The following CHRM5 variants were observed in gnomAD, a reference collection of about 807,000 sequenced individuals.
CHRM5 encodes muscarinic acetylcholine receptor M5.
Under a neutral mutation model 39.0 loss-of-function variants are expected in CHRM5, and 18 were observed. The ratio of observed to expected loss-of-function variants is 0.46; its 90% confidence interval spans 0.32 to 0.68. CHRM5 has a LOEUF of 0.68. CHRM5 is among the 30% of genes least tolerant of loss of function. The pLI is 0.04. For missense variants in CHRM5, 515 were observed against 651.1 expected, an observed-to-expected ratio of 0.79 and a Z score of 2.28; for synonymous variants, 241 against 246.3, an observed-to-expected ratio of 0.98 and a Z score of 0.20.
At chr15:34,008,557 C>T (rs933597226) in intron 1 of CHRM5, among the ~76,000 whole-genome samples, 33 of 144,918 alleles carry the variant, frequency 2.3e-4, no homozygotes, top group Admixed American at 1.6e-3. Flanking sequence ...GGCACAATCT[C>T]GGCTCGCTGC....
At chr15:33,991,925 G>A (rs1298727863) in intron 1 of CHRM5, 1 of 153,258 alleles carries the variant, frequency 6.5e-6, no homozygotes, top group Admixed American at 6.5e-5. Context: ...ATCTGCTAAA[G>A]GAAATGCACA....
Position 34,017,224 on chromosome 15 carries a change from A to G in CHRM5, c.-407-29316A>G, listed in dbSNP as rs537222744. Reference sequence around the variant, plus strand: ...CCACCCACTCTGTTCACCTATTAACAATTCATCCAAAAGCCTAGAACTGAG... The same window carrying G: ...CCACCCACTCTGTTCACCTATTAACGATTCATCCAAAAGCCTAGAACTGAG... On this transcript the variant is annotated intron_variant, in intron 1 of 2. Transcript: ENST00000383263. Among the ~76,000 whole-genome samples, 4 of 152,276 alleles carry G rather than the reference A, an allele frequency of 2.6e-5. No homozygotes were observed. In the East Asian group the frequency reaches 7.7e-4, roughly 29 times the overall value.
At position 34,052,283 on chromosome 15, in the gene CHRM5, G is replaced by GA. The variant is rs541124270; in HGVS notation, c.-76+5418dup. ...TCTCCATAGATGCAGAAAAGGCTTT[G>GA]AAAAAATTTAAATCCCTTCATATTA... On this transcript the variant is annotated intron_variant, in intron 2 of 2. Transcript: ENST00000383263. Among the ~76,000 whole-genome samples, 211 of 152,160 alleles carry GA rather than the reference G, an allele frequency of 1.4e-3. 1 individual carries two copies. The highest frequency in any genetic ancestry group is 4.8e-3 in the African/African-American group (201 of 41,522).
intron 1 of CHRM5, among the ~76,000 whole-genome samples, chr15:33,989,501 T>G (rs7183165): frequency 0.034 from 5,133 of 151,202 alleles, 290 homozygotes; most frequent in African/African-American, 0.12. Context: ...TAAGATCCCC[T>G]GACGCCCACC....
At chr15:34,015,152 A>G (rs1339449998) in intron 1 of CHRM5, among the ~76,000 whole-genome samples, 2 of 152,216 alleles carry the variant, frequency 1.3e-5, no homozygotes, top group Non-Finnish European at 2.9e-5. Flanking sequence ...AGCTGTTATC[A>G]TAAGGAAAAA....
intron 1 of CHRM5, among the ~76,000 whole-genome samples, chr15:34,008,633 C>T (rs905985845): frequency 6.7e-6 from 1 of 148,532 alleles, no homozygotes; most frequent in Non-Finnish European, 1.5e-5. Flanking sequence ...GGACCACAGG[C>T]GTGTGCCACC....
intron 1 of CHRM5, among the ~76,000 whole-genome samples, chr15:33,998,439 A>G (rs571306840): frequency 2.2e-4 from 33 of 152,316 alleles, no homozygotes; most frequent in Middle Eastern, 3.4e-3. Context: ...CCTAAGCAAC[A>G]TAAGAAGACC....
intron 2 of CHRM5, among the ~76,000 whole-genome samples, chr15:34,049,771 G>A (rs1251739932): frequency 6.6e-6 from 1 of 151,830 alleles, no homozygotes; most frequent in Non-Finnish European, 1.5e-5. Context: ...AAAATATTAA[G>A]GGCAGCCAGA....
intron 1 of CHRM5, chr15:33,990,756 A>G (rs559802215): frequency 6.6e-6 from 1 of 152,348 alleles, no homozygotes; most frequent in African/African-American, 2.4e-5. Flanking sequence ...CAAATCAAGT[A>G]TCATTTTGAT....
At chr15:34,051,233 C>G (rs1481354719) in intron 2 of CHRM5, among the ~76,000 whole-genome samples, 3 of 152,202 alleles carry the variant, frequency 2.0e-5, no homozygotes, top group Non-Finnish European at 4.4e-5. Context: ...GAACAACCTA[C>G]TCCTGAATGA....
chr15:34,015,375 G>A (rs750083215), intron 1 of CHRM5, among the ~76,000 whole-genome samples: 5 of 151,968 alleles, frequency 3.3e-5, no homozygotes, highest in East Asian at 1.9e-4. Context: ...CCAGCTACTC[G>A]GGAGGCTGAG....
intron 1 of CHRM5, among the ~76,000 whole-genome samples, chr15:34,031,929 T>G (rs1898857239): frequency 6.6e-6 from 1 of 152,098 alleles, no homozygotes; most frequent in South Asian, 2.1e-4. Flanking sequence ...TAGAAAATTT[T>G]CAGACTAACA....
rs1365038917 is a variant in CHRM5, at chr15:34,063,417, G to T, written c.700G>T (p.Asp234Tyr). 1 of 1,613,926 alleles carries T rather than the reference G, an allele frequency of 6.2e-7. No homozygotes were observed. Among genetic ancestry groups the T allele is most frequent in the East Asian group, 2.2e-5 (1 of 44,876 alleles). Residue 234 changes from aspartate (D) to tyrosine (Y), a missense_variant, in exon 3 of 3, where the codon GAC becomes TAC. Physicochemically the swap from Asp to Tyr is radical, Grantham distance 160 (BLOSUM62 -3). Coordinates refer to ENST00000383263, the MANE Select transcript of CHRM5 (RefSeq NM_012125.4). This position sits in a 1 kb window ranked among gnomAD's most constrained non-coding sequence, Gnocchi z 4.1. ...TKDLADLQGSDSVTKAEKRKP... is the reference protein window; with the variant it reads ...TKDLADLQGSYSVTKAEKRKP... ...GGACCTGGCTGACCTCCAGGGTTCTGACTCTGTGACCAAAGCTGAGAAGAG... is the reference window on the plus strand; with the variant it reads ...GGACCTGGCTGACCTCCAGGGTTCTTACTCTGTGACCAAAGCTGAGAAGAG...
chr15:33,989,885 G>T (rs1463039033), intron 1 of CHRM5, among the ~76,000 whole-genome samples: 1 of 150,060 alleles, frequency 6.7e-6, no homozygotes, highest in African/African-American at 2.5e-5. Context: ...CAATTGAGAC[G>T]GATACACTAG....
intron 1 of CHRM5, chr15:34,038,912 C>CCCGCCTCCGTCCCCGCCGCCGCCT (rs1555519420): frequency 1.8e-6 from 2 of 1,111,460 alleles, no homozygotes; most frequent in African/African-American, 3.4e-5. Flanking sequence ...CGCCTCCGTC[C>CCCGCCTCCGTCCCCGCCGCCGCCT]CCGCCGCCGC....
At chr15:34,053,092 G>T (rs922363733) in intron 2 of CHRM5, among the ~76,000 whole-genome samples, 2 of 151,636 alleles carry the variant, frequency 1.3e-5, no homozygotes, top group African/African-American at 4.8e-5. Context: ...TTGAGATCAG[G>T]AATTTGAGAC....
rs1202996014 is a variant in CHRM5 at position 34,065,245 on chromosome 15, C to T, written c.*929C>T. On this transcript the variant is annotated 3_prime_UTR_variant, in exon 3 of 3. Coordinates refer to ENST00000383263, the MANE Select transcript of CHRM5 (RefSeq NM_012125.4). ...CCCTTCACTGGCTGAAGATTTTCTC[C>T]AGGCTGTTGAATTAAGGTTCTTATA... 1.3e-5 allele frequency: 2 copies of T among 152,288 alleles called. No individual in the cohort carries two copies. The highest frequency in any genetic ancestry group is 2.9e-5 in the Non-Finnish European group (2 of 68,052). The allele number at this position is 152,288 out of a possible 1,614,324, so 9.4% of individuals were successfully genotyped here. A position where few individuals can be genotyped will look rare whatever the true frequency, so the allele number is the denominator to read the frequency against.
intron 1 of CHRM5, among the ~76,000 whole-genome samples, chr15:34,021,926 G>A (rs1047509919): frequency 6.6e-6 from 1 of 152,162 alleles, no homozygotes. Flanking sequence ...AAAGAAGTGA[G>A]CACCCACAGC....
intron 1 of CHRM5, among the ~76,000 whole-genome samples, chr15:34,031,769 T>G (rs530723617): frequency 6.6e-6 from 1 of 152,308 alleles, no homozygotes; most frequent in African/African-American, 2.4e-5. Flanking sequence ...AAAATCAGGT[T>G]GGTCAGATTA....
Sources: allele counts gnomAD v4.1 joint callset (sites outside exome capture counted in the v4.1 genomes callset), GRCh38; gene constraint gnomAD v4.1.1; non-coding constraint Gnocchi (gnomAD v3.1); transcripts MANE v1.5; gene names NCBI Gene and HGNC (gene_info 2026-07-23, HGNC 2026-07-21).